IGSF3: variants seen among roughly 807,000 people sequenced by gnomAD.
IGSF3 encodes glu-Trp-Ile EWI motif-containing protein 3.
A neutral mutation model predicts 114.4 loss-of-function variants in IGSF3; 23 were observed. The ratio of observed to expected loss-of-function variants is 0.20; its 90% CI spans 0.14 to 0.28. IGSF3 has a LOEUF of 0.28. Ranked by LOEUF, IGSF3 falls within the 10% of genes least tolerant of loss-of-function variation. The pLI is 1.00. For synonymous variants in IGSF3, 571 were observed against 645.2 expected (o/e 0.88, Z 1.74); for missense variants, 1,172 against 1,591.5 (o/e 0.74, Z 4.48).
Position 116,602,998 on chromosome 1 carries a change from G to C in IGSF3, c.1624+626C>G, listed in dbSNP as rs544586750. Among the ~76,000 whole-genome samples, 12 of 152,290 alleles carry C rather than the reference G, an allele frequency of 7.9e-5. No individual in the cohort carries two copies. The South Asian group carries it at 2.5e-3, about 32-fold the overall frequency. ...CAGGTAGTAGAAACTTCTAGCCTTAGGCAAAGTATTTAATGTGTCTCAGTC... is the reference window on the plus strand; with the variant it reads ...CAGGTAGTAGAAACTTCTAGCCTTACGCAAAGTATTTAATGTGTCTCAGTC... On this transcript the variant is annotated intron_variant, in intron 6 of 10. Transcript: ENST00000369486.
intron 2 of IGSF3, among the ~76,000 whole-genome samples, chr1:116,659,993 G>A (rs1362520151): frequency 2.0e-5 from 3 of 152,286 alleles, no homozygotes; most frequent in South Asian, 2.1e-4. Context: ...ACCACGAGAG[G>A]TCAGCAACTG....
In IGSF3 at chr1:116,610,676, A is replaced by G. The variant is rs1453191718; in HGVS notation, c.833-2345T>C. On this transcript the variant is annotated intron_variant, in intron 4 of 10. Transcript: ENST00000369486. This position sits in a 1 kb window ranked among gnomAD's most constrained non-coding sequence, Gnocchi z 4.3. ...TGCTCTTCTTCTTGCTGGCCTGCCC[A>G]CTCTGTTCCACTCTCTCACCTGCTT... Among the ~76,000 whole-genome samples, 1 of 151,554 alleles carries G rather than the reference A, an allele frequency of 6.6e-6. No homozygotes were observed. The highest frequency in any genetic ancestry group is 1.9e-4 in the East Asian group (1 of 5,142).
At chr1:116,646,189 T>C (rs1187003421) in intron 2 of IGSF3, among the ~76,000 whole-genome samples, 2 of 152,206 alleles carry the variant, frequency 1.3e-5, no homozygotes, top group East Asian at 3.8e-4. Flanking sequence ...CTGTGATTTG[T>C]TTCTGCACCG....
In IGSF3 at chr1:116,598,589, C is replaced by T. The variant is rs116704128; in HGVS notation, c.2029+1352G>A. Reference sequence around the variant, plus strand: ...TTATTTAACCTCACGTTGCTGAAAACGACACTGTGGCCACCTAAAGCAGTC... The same window carrying T: ...TTATTTAACCTCACGTTGCTGAAAATGACACTGTGGCCACCTAAAGCAGTC... On this transcript the variant is annotated intron_variant, in intron 7 of 10. Coordinates refer to ENST00000369486, the MANE Select transcript of IGSF3 (RefSeq NM_001007237.3). The surrounding 1 kb of genome is among the most constrained non-coding windows in gnomAD (Gnocchi z 4.3). Among the ~76,000 whole-genome samples, 1,525 of 152,288 alleles carry T rather than the reference C, an allele frequency of 0.01. 25 individuals carry two copies. The highest frequency in any genetic ancestry group is 0.035 in the African/African-American group (1,453 of 41,558).
chr1:116,578,024 T>C (rs1164340587), intron 10 of IGSF3, among the ~76,000 whole-genome samples: 1 of 152,216 alleles, frequency 6.6e-6, no homozygotes, highest in Non-Finnish European at 1.5e-5. Context: ...TTACCAGAAA[T>C]GACACTTACC....
chr1:116,614,270 C>G lies in IGSF3; in HGVS notation c.422-95G>C, dbSNP rs1661135035. 1.0e-6 allele frequency: 1 copy of G among 980,774 alleles called. No homozygotes were observed. The highest frequency in any genetic ancestry group is 2.5e-5 in the East Asian group (1 of 40,778). The allele number at this position is 980,774 out of a possible 1,614,324, so 60.8% of individuals were successfully genotyped here. A position where few individuals can be genotyped will look rare whatever the true frequency, so the allele number is the denominator to read the frequency against. Reference sequence around the variant, plus strand: ...CCCATTCCACGCAGGCGTCACTGCACTGCGCCCCTAACAGTCATCCTTGAA... The same window carrying G: ...CCCATTCCACGCAGGCGTCACTGCAGTGCGCCCCTAACAGTCATCCTTGAA... On this transcript the variant is annotated intron_variant, in intron 3 of 10. Transcript: ENST00000369486. This position sits in a 1 kb window ranked among gnomAD's most constrained non-coding sequence, Gnocchi z 4.5.
chr1:116,641,495 C>CAAAAAAAAA (rs57930787), intron 2 of IGSF3, among the ~76,000 whole-genome samples: 8 of 40,694 alleles, frequency 2.0e-4, no homozygotes, highest in East Asian at 6.2e-4. Context: ...GACTCTGTCT[C>CAAAAAAAAA]AAAAAAAAAA....
chr1:116,577,978 G>C lies in IGSF3; in HGVS notation c.3335-416C>G, dbSNP rs1442252085. ...TACAGACTTCCTTCTCTGGGATTAT[G>C]ACACAATCCCTTCCTGCCAGCTTCT... On this transcript the variant is annotated intron_variant, in intron 10 of 10. Transcript: ENST00000369486. The surrounding 1 kb of genome is among the most constrained non-coding windows in gnomAD (Gnocchi z 5.7). 6.6e-6 allele frequency among the ~76,000 whole-genome samples: 1 copy of C among 152,156 alleles called. No homozygotes were observed. The highest frequency in any genetic ancestry group is 2.4e-5 in the African/African-American group (1 of 41,440).
At position 116,654,027 on chromosome 1, in the gene IGSF3, C is replaced by T. The variant is rs1648745644; in HGVS notation, c.43+12257G>A. ...AACTGTTCAGCAAATCATCTCTAAA[C>T]AATGTCATAAAGGGTTACCTAGTTT... On this transcript the variant is annotated intron_variant, in intron 2 of 10. Coordinates refer to ENST00000369486, the MANE Select transcript of IGSF3 (RefSeq NM_001007237.3). This position sits in a 1 kb window ranked among gnomAD's most constrained non-coding sequence, Gnocchi z 4.4. Among the ~76,000 whole-genome samples, 1 of 152,326 alleles carries T rather than the reference C, an allele frequency of 6.6e-6. No individual in the cohort carries two copies. Among genetic ancestry groups the T allele is most frequent in the Non-Finnish European group, 1.5e-5 (1 of 68,028 alleles).
chr1:116,602,955 G>T (rs983986449), intron 6 of IGSF3, among the ~76,000 whole-genome samples: 3 of 152,208 alleles, frequency 2.0e-5, no homozygotes, highest in Non-Finnish European at 2.9e-5. Flanking sequence ...GAATAGCTTT[G>T]TTAGGTATGG....
chr1:116,637,040 G>A (rs973634245), intron 2 of IGSF3, among the ~76,000 whole-genome samples: 7 of 152,122 alleles, frequency 4.6e-5, no homozygotes, highest in African/African-American at 1.7e-4. Flanking sequence ...AAATCGACTT[G>A]TTCCTGGCCA....
rs1358811384 is a variant in IGSF3, at chr1:116,642,839, T to C, written c.43+23445A>G. On this transcript the variant is annotated intron_variant, in intron 2 of 10. Coordinates refer to ENST00000369486, the MANE Select transcript of IGSF3 (RefSeq NM_001007237.3). The surrounding 1 kb of genome is among the most constrained non-coding windows in gnomAD (Gnocchi z 5.4). ...TCAGCAGGGGGCCACCAGGGCCACC[T>C]GCCAGTGAGCCCACTGCTTAGCTGA... 1.3e-5 allele frequency among the ~76,000 whole-genome samples: 2 copies of C among 152,220 alleles called. No homozygotes were observed. The highest frequency in any genetic ancestry group is 2.9e-5 in the Non-Finnish European group (2 of 68,028).
In IGSF3 at chr1:116,583,765, G is replaced by A. The variant is rs979883502; in HGVS notation, c.2848+880C>T. Among the ~76,000 whole-genome samples, 4 of 152,070 alleles carry A rather than the reference G, an allele frequency of 2.6e-5. No individual in the cohort carries two copies. Among genetic ancestry groups the A allele is most frequent in the Admixed American group, 1.3e-4 (2 of 15,266 alleles). ...AAAGGACATGGGAATCCTGCACATC[G>A]TAGCTTTGATTATGTGTTTAAATGT... On this transcript the variant is annotated intron_variant, in intron 9 of 10. Transcript: ENST00000369486. The surrounding 1 kb of genome is among the most constrained non-coding windows in gnomAD (Gnocchi z 4.5).
chr1:116,645,972 G>A (rs1241503153), intron 2 of IGSF3, among the ~76,000 whole-genome samples: 3 of 152,182 alleles, frequency 2.0e-5, no homozygotes, highest in Non-Finnish European at 2.9e-5. Flanking sequence ...GGAGTTGGTG[G>A]GTGGGGCACA....
rs555142538 is a variant in IGSF3, at chr1:116,644,702, C to T, written c.43+21582G>A. Among the ~76,000 whole-genome samples, 282 of 152,254 alleles carry T rather than the reference C, an allele frequency of 1.9e-3. 1 individual carries two copies. Among genetic ancestry groups the T allele is most frequent in the Admixed American group, 5.2e-3 (79 of 15,292 alleles). The stretch of plus-strand genomic sequence containing the variant: ...TGTGGCGATCAGCCATCAGAGGAGG[C>T]GGCCCTGTGTGATGAAAGGACCTCC... On this transcript the variant is annotated intron_variant, in intron 2 of 10. Transcript: ENST00000369486. This position sits in a 1 kb window ranked among gnomAD's most constrained non-coding sequence, Gnocchi z 5.6.
chr1:116,600,206 G>A lies in IGSF3; in HGVS notation c.1764C>T (p.Gly588=). 1 of 1,614,152 alleles carries A rather than the reference G, an allele frequency of 6.2e-7. No homozygotes were observed. The highest frequency in any genetic ancestry group is 8.5e-7 in the Non-Finnish European group (1 of 1,180,028). Residue 588 remains glycine (G), a synonymous_variant, in exon 7 of 11, where the codon GGC becomes GGT. Coordinates refer to ENST00000369486, the MANE Select transcript of IGSF3 (RefSeq NM_001007237.3). This position sits in a 1 kb window ranked among gnomAD's most constrained non-coding sequence, Gnocchi z 5.5. ...VSVTWRFQPV[G]TVEFHDLVTF... ...TCACCAAGTCATGGAACTCCACCGTGCCCACCGGCTGGAACCGCCATGTCA... is the reference window on the plus strand; with the variant it reads ...TCACCAAGTCATGGAACTCCACCGTACCCACCGGCTGGAACCGCCATGTCA...
intron 10 of IGSF3, among the ~76,000 whole-genome samples, chr1:116,578,343 G>A (rs2101283767): frequency 6.6e-6 from 1 of 152,314 alleles, no homozygotes; most frequent in East Asian, 1.9e-4. Context: ...TCGCTTTGAG[G>A]CAGTGGGTTA....
rs757927091 is a variant in IGSF3 at position 116,582,186 on chromosome 1, T to C, written c.2849-2309A>G. Among the ~76,000 whole-genome samples the C allele has an allele frequency of 6.6e-6, 1 of 152,206 alleles. No homozygotes were observed. Among genetic ancestry groups the C allele is most frequent in the Non-Finnish European group, 1.5e-5 (1 of 68,040 alleles). On this transcript the variant is annotated intron_variant, in intron 9 of 10. Coordinates refer to ENST00000369486, the MANE Select transcript of IGSF3 (RefSeq NM_001007237.3). This position sits in a 1 kb window ranked among gnomAD's most constrained non-coding sequence, Gnocchi z 4.7. The stretch of plus-strand genomic sequence containing the variant: ...TCCCACAATCTCTCTCCCCTTAACA[T>C]GTTTCTCTACCAATTTAGTTCCCTG...
At position 116,585,671 on chromosome 1, in the gene IGSF3, C is replaced by T. The variant is rs1191472378; in HGVS notation, c.2441-619G>A. On this transcript the variant is annotated intron_variant, in intron 8 of 10. Transcript: ENST00000369486. The surrounding 1 kb of genome is among the most constrained non-coding windows in gnomAD (Gnocchi z 4.9). ...ACAAGGTGGCTCACGCCTGTAATCC[C>T]AGCACTTTGGGACGCCGAGGTGGGT... 6.6e-6 allele frequency among the ~76,000 whole-genome samples: 1 copy of T among 152,156 alleles called. No individual in the cohort carries two copies. The highest frequency in any genetic ancestry group is 2.4e-5 in the African/African-American group (1 of 41,420).
Sources: gnomAD v4.1 joint callset for allele counts (sites outside exome capture counted in the v4.1 genomes callset) on GRCh38, gnomAD v4.1.1 for gene constraint, Gnocchi (gnomAD v3.1) non-coding constraint, MANE v1.5 for transcripts, NCBI Gene and HGNC (gene_info 2026-07-23, HGNC 2026-07-21) for gene names.